FHAD1: variants seen among roughly 807,000 people sequenced by gnomAD.
FHAD1 encodes the protein forkhead-associated domain-containing protein 1.
In FHAD1, 146 loss-of-function variants were observed where a neutral mutation model predicts 191.3. The ratio of observed to expected loss-of-function variants is 0.76; its 90% CI spans 0.67 to 0.88. FHAD1 has a LOEUF of 0.88. Ranked by LOEUF, FHAD1 falls within the 40% of genes least tolerant of loss-of-function variation. The pLI, the probability that FHAD1 is intolerant of heterozygous loss-of-function variation, is 0.00. For missense variants in FHAD1, 1,635 were observed against 1,785.8 expected (o/e 0.92, Z 1.52); for synonymous variants, 616 against 672.3 (o/e 0.92, Z 1.29).
At chr1:15,373,359 A>G (rs1396858456) in intron 26 of FHAD1, among the ~76,000 whole-genome samples, 4 of 152,014 alleles carry the variant, frequency 2.6e-5, no homozygotes, top group Non-Finnish European at 4.4e-5. Context: ...CAACACACAA[A>G]AAATTAGCTG....
chr1:15,261,840 T>G (rs1005884449), intron 2 of FHAD1, among the ~76,000 whole-genome samples: 2 of 151,858 alleles, frequency 1.3e-5, no homozygotes, highest in Non-Finnish European at 2.9e-5. Context: ...GACCAAAAGG[T>G]AAAAAGAAAT....
At chr1:15,326,512 G>A (rs1475188014) in intron 11 of FHAD1, 2 of 152,184 alleles carry the variant, frequency 1.3e-5, no homozygotes, top group Non-Finnish European at 2.9e-5. Flanking sequence ...AAGGTTAGTT[G>A]GGTGTCTGAG....
chr1:15,357,484 G>T (rs1414663635), intron 20 of FHAD1, among the ~76,000 whole-genome samples: 1 of 152,120 alleles, frequency 6.6e-6, no homozygotes, highest in Non-Finnish European at 1.5e-5. Flanking sequence ...TTAGCTGGGT[G>T]TGGTAGCGTG....
At position 15,381,579 on chromosome 1, in the gene FHAD1, T is replaced by A; in HGVS notation, c.4022+128T>A. 1.4e-6 allele frequency: 1 copy of A among 691,112 alleles called. No homozygotes were observed. Among genetic ancestry groups the A allele is most frequent in the Non-Finnish European group, 2.5e-6 (1 of 406,616 alleles). The allele number at this position is 691,112 out of a possible 1,614,324, so 42.8% of individuals were successfully genotyped here. A position where few individuals can be genotyped will look rare whatever the true frequency, so the allele number is the denominator to read the frequency against. ...AGACCCACGTGTGGAATACCTGCAA[T>A]GTCAGAAGGGGACCAGGGAGGGCAC... On this transcript the variant is annotated intron_variant, in intron 30 of 33. Coordinates refer to ENST00000688493, the MANE Select transcript of FHAD1 (RefSeq NM_001391957.1). The surrounding 1 kb of genome is among the most constrained non-coding windows in gnomAD (Gnocchi z 4.6).
In FHAD1 at chr1:15,296,783, A is replaced by G; in HGVS notation, c.668A>G (p.Gln223Arg). 2 of 1,551,544 alleles carry G rather than the reference A, an allele frequency of 1.3e-6. No individual in the cohort carries two copies. The highest frequency in any genetic ancestry group is 1.7e-6 in the Non-Finnish European group (2 of 1,146,842). Residue 223 changes from glutamine (Q) to arginine (R), a missense_variant, in exon 5 of 34, where the codon CAG (glutamine) becomes CGG (arginine). Physicochemically the swap from Gln to Arg is conservative, Grantham distance 43. Transcript: ENST00000688493. ...AEIYVEEDLA[Q>R]QDKDEIILLL... ...ATTTATGTGGAGGAGGACTTGGCCC[A>G]GCAGGACAAGGTGAGGGAGGGGTCT... is the stretch of plus-strand genomic sequence containing the variant.
chr1:15,377,935 A>G lies in FHAD1; in HGVS notation c.3705+2205A>G, dbSNP rs576321443. Among the ~76,000 whole-genome samples, 73 of 152,324 alleles carry G rather than the reference A, an allele frequency of 4.8e-4. 2 individuals carry two copies. Among genetic ancestry groups the G allele is most frequent in the East Asian group, 3.9e-4 (2 of 5,190 alleles). On this transcript the variant is annotated intron_variant, in intron 28 of 33. Transcript: ENST00000688493. ...CCAGGCATTGAGCAGAGCCCTTCAC[A>G]TGTGTTATTTCATTTAATCCACACA...
intron 21 of FHAD1, among the ~76,000 whole-genome samples, chr1:15,360,063 A>T (rs1694254301): frequency 6.6e-6 from 1 of 152,224 alleles, no homozygotes. Flanking sequence ...CAGTGAGCCA[A>T]GATAGTGCCA....
intron 1 of FHAD1, among the ~76,000 whole-genome samples, chr1:15,250,746 G>A (rs1646673812): frequency 6.6e-6 from 1 of 152,234 alleles, no homozygotes; most frequent in Admixed American, 6.5e-5. Context: ...GGCTGAGGCA[G>A]GAGGATCAGT....
intron 10 of FHAD1, among the ~76,000 whole-genome samples, chr1:15,323,684 A>T (rs534090751): frequency 6.0e-4 from 91 of 152,288 alleles, no homozygotes; most frequent in African/African-American, 2.1e-3. Flanking sequence ...CATGGTTCAG[A>T]CATGAACTGA....
intron 31 of FHAD1, chr1:15,384,592 C>T (rs528730182): frequency 6.6e-6 from 1 of 152,248 alleles, no homozygotes; most frequent in Non-Finnish European, 1.5e-5. Flanking sequence ...TTCATGGCCT[C>T]CCTAGGCACA....
intron 4 of FHAD1, among the ~76,000 whole-genome samples, chr1:15,293,582 G>T (rs1056541769): frequency 2.6e-5 from 4 of 152,110 alleles, no homozygotes; most frequent in South Asian, 2.1e-4. Flanking sequence ...GCTGGGTGTG[G>T]TGGCACGCAC....
intron 19 of FHAD1, 78 bp from the exon 20 acceptor site, chr1:15,352,799 G>C: frequency 9.3e-7 from 1 of 1,079,100 alleles, no homozygotes. Flanking sequence ...CTTCCACGGT[G>C]ACTCGTCCTG....
At chr1:15,402,352 T>C (rs907828297), downstream of FHAD1, among the ~76,000 whole-genome samples, 12 of 152,208 alleles carry the variant, frequency 7.9e-5, no homozygotes, top group Non-Finnish European at 1.8e-4. Flanking sequence ...TTTATTATTA[T>C]ACTTTAAGTT....
chr1:15,393,906 G>A (rs950682914), intron 33 of FHAD1, among the ~76,000 whole-genome samples: 1 of 152,136 alleles, frequency 6.6e-6, no homozygotes, highest in Non-Finnish European at 1.5e-5. Context: ...CTCCAGGAGA[G>A]GCCTTCCTGA....
intron 15 of FHAD1, 36 bp from the exon 16 acceptor site, chr1:15,341,700 C>G: frequency 6.6e-7 from 1 of 1,525,264 alleles, no homozygotes; most frequent in Non-Finnish European, 8.9e-7. Flanking sequence ...TAGGCCTGTC[C>G]CCCATCAGCA....
At chr1:15,252,578 C>T (rs148876343) in intron 2 of FHAD1, among the ~76,000 whole-genome samples, 99 of 152,306 alleles carry the variant, frequency 6.5e-4, no homozygotes, top group African/African-American at 2.3e-3. Flanking sequence ...AGTCGAGTGC[C>T]ACCTCCTACC....
chr1:15,345,520 G>A lies in FHAD1; in HGVS notation c.2343G>A (p.Lys781=). Residue 781 remains lysine, a synonymous_variant, in exon 18 of 34, where the codon AAG becomes AAA. Transcript: ENST00000688493. ...TGGAGGAACGCTTGGCCCGCCAGAA[G>A]GAGGTACGCTCGGGGAGATAGAGTC... ...QELEERLARQ[K]EVLESSIAHE... 1 of 1,551,754 alleles carries A rather than the reference G, an allele frequency of 6.4e-7. No individual in the cohort carries two copies. The highest frequency in any genetic ancestry group is 1.2e-5 in the South Asian group (1 of 84,062).
chr1:15,332,271 G>A (rs1375299143), intron 14 of FHAD1, among the ~76,000 whole-genome samples: 1 of 152,136 alleles, frequency 6.6e-6, no homozygotes, highest in Non-Finnish European at 1.5e-5. Context: ...TGTTCTTCAA[G>A]ACTGGAACTA....
At chr1:15,309,971 T>C (rs1180295415) in intron 7 of FHAD1, among the ~76,000 whole-genome samples, 1 of 152,042 alleles carries the variant, frequency 6.6e-6, no homozygotes, top group Non-Finnish European at 1.5e-5. Flanking sequence ...CTATGGGACC[T>C]GGTGGGGTCA....
Sources: gnomAD v4.1 joint callset for allele counts (sites outside exome capture counted in the v4.1 genomes callset) on GRCh38, gnomAD v4.1.1 for gene constraint, Gnocchi (gnomAD v3.1) non-coding constraint, MANE v1.5 for transcripts, NCBI Gene and HGNC (gene_info 2026-07-23, HGNC 2026-07-21) for gene names.